Variants in NOMO1 observed in about 807,000 individuals in gnomAD.
NOMO1 encodes the protein NODAL modulator 1, also known as nodal modulator 3.
NOMO1 carries 40 observed loss-of-function variants against 133.8 expected under a neutral mutation model. The observed-to-expected ratio is 0.30, with a 90% confidence interval of 0.23 to 0.39. The LOEUF (loss-of-function observed/expected upper bound fraction) is 0.39. Among genes scored for constraint, NOMO1 ranks in the 10% least tolerant of loss-of-function variants. The probability of loss-of-function intolerance (pLI) is 1.00; values close to 1 mark genes in which losing one functional copy is unlikely to be tolerated. For synonymous variants in NOMO1, 236 were observed against 570.5 expected (o/e 0.41, Z 8.36); for missense variants, 462 against 1,419.9 (o/e 0.33, Z 10.84).
chr16:14,841,772 A>G (rs1166692437), intron 3 of NOMO1, among the ~76,000 whole-genome samples: 1 of 151,826 alleles, frequency 6.6e-6, no homozygotes, highest in Non-Finnish European at 1.5e-5. Context: ...TTAAGTTTTT[A>G]TGGAATTAAT....
Position 14,884,489 on chromosome 16 carries a change from C to G in NOMO1, c.3222+7C>G. On this transcript the variant is annotated splice_region_variant and intron_variant, in intron 27 of 30. Coordinates refer to ENST00000287667, the MANE Select transcript of NOMO1 (RefSeq NM_014287.4). The stretch of plus-strand genomic sequence containing the variant: ...ATACCTTCCTACATTATGGGTAAGT[C>G]CAGACTTTTAAGCTCCAAGTATTGT... 1 of 1,611,528 alleles carries G rather than the reference C, an allele frequency of 6.2e-7. No homozygotes were observed. The highest frequency in any genetic ancestry group is 1.1e-5 in the South Asian group (1 of 90,924).
intron 24 of NOMO1, among the ~76,000 whole-genome samples, chr16:14,881,004 C>G (rs1220130375): frequency 1.3e-5 from 2 of 151,044 alleles, no homozygotes; most frequent in Non-Finnish European, 2.9e-5. Context: ...GGCAACATAG[C>G]AAGACCCCGT....
chr16:14,859,595 G>A (rs989476108), intron 11 of NOMO1, among the ~76,000 whole-genome samples: 4 of 151,932 alleles, frequency 2.6e-5, no homozygotes, highest in African/African-American at 4.8e-5. Flanking sequence ...TGGGCGGATC[G>A]ATTGAGCCCA....
chr16:14,855,794 T>C (rs944268747), intron 9 of NOMO1, among the ~76,000 whole-genome samples: 2 of 152,140 alleles, frequency 1.3e-5, no homozygotes, highest in Middle Eastern at 3.4e-3. Flanking sequence ...CCGTGTCTTA[T>C]TCTTTACTGT....
At chr16:14,871,423 A>G (rs750688596) in intron 16 of NOMO1, among the ~76,000 whole-genome samples, 198 bp from the exon 17 acceptor site, 3 of 152,108 alleles carry the variant, frequency 2.0e-5, no homozygotes, top group African/African-American at 7.3e-5. Context: ...GCGCCATTGC[A>G]TGGATCGGGT....
intron 27 of NOMO1, among the ~76,000 whole-genome samples, chr16:14,885,031 CAT>C (rs1169375936): frequency 2.0e-5 from 3 of 151,958 alleles, no homozygotes; most frequent in Admixed American, 1.3e-4. Flanking sequence ...GCAGGCATGT[CAT>C]GTGGGAGAAG....
chr16:14,855,396 A>G (rs1963818962), intron 9 of NOMO1, among the ~76,000 whole-genome samples: 1 of 151,554 alleles, frequency 6.6e-6, no homozygotes, highest in South Asian at 2.1e-4. Context: ...ATCCCAAAAG[A>G]AAATAACAGC....
chr16:14,845,629 C>T (rs960124541), intron 4 of NOMO1, among the ~76,000 whole-genome samples: 2 of 151,860 alleles, frequency 1.3e-5, no homozygotes, highest in Non-Finnish European at 2.9e-5. Context: ...CTGCCCTGTG[C>T]CTGCGGTTGA....
intron 18 of NOMO1, 107 bp from the exon 19 acceptor site, chr16:14,874,929 G>A: frequency 5.7e-6 from 5 of 877,884 alleles, no homozygotes; most frequent in Non-Finnish European, 7.2e-6. Context: ...GTGGTGTCAT[G>A]ATAAGATGTC....
intron 14 of NOMO1, 25 bp from the exon 15 acceptor site, chr16:14,866,530 C>G: frequency 6.2e-7 from 1 of 1,610,058 alleles, no homozygotes; most frequent in Non-Finnish European, 8.5e-7. Flanking sequence ...GCCCATGTAT[C>G]CGTTTTTGGT....
intron 9 of NOMO1, among the ~76,000 whole-genome samples, chr16:14,855,986 TAA>T (rs1199051475): frequency 6.6e-6 from 1 of 151,508 alleles, no homozygotes; most frequent in Non-Finnish European, 1.5e-5. Context: ...GAAAAAAAAA[TAA>T]AAAAATAAAA....
At chr16:14,840,567 A>G (rs1431529820) in intron 2 of NOMO1, among the ~76,000 whole-genome samples, 1 of 147,148 alleles carries the variant, frequency 6.8e-6, no homozygotes, top group Admixed American at 6.8e-5. Context: ...AGCCTGGGCA[A>G]CAGAGCGAGG....
chr16:14,858,544 C>A (rs1171358460), intron 11 of NOMO1, among the ~76,000 whole-genome samples: 8 of 151,110 alleles, frequency 5.3e-5, no homozygotes, highest in Non-Finnish European at 1.0e-4. Flanking sequence ...GGGAGAAGCG[C>A]GGCATGAGCA....
intron 12 of NOMO1, 54 bp from the exon 13 acceptor site, chr16:14,864,531 A>G: frequency 6.2e-7 from 1 of 1,611,192 alleles, no homozygotes; most frequent in Non-Finnish European, 8.5e-7. Context: ...CCTGTAGGTC[A>G]GGGGGAAGAT....
Position 14,846,598 on chromosome 16 carries a change from C to G in NOMO1, c.424C>G (p.Leu142Val). The G allele has an allele frequency of 8.1e-7, 1 of 1,229,630 alleles. No individual in the cohort carries two copies. The highest frequency in any genetic ancestry group is 1.1e-6 in the Non-Finnish European group (1 of 872,594). 76.2% of individuals were successfully genotyped at this position (1,229,630 alleles called of 1,614,324 possible). A position where few individuals can be genotyped will look rare whatever the true frequency, so the allele number is the denominator to read the frequency against. Residue 142 changes from leucine to valine, a missense_variant, in exon 5 of 31, where the codon CTG becomes GTG. Coordinates refer to ENST00000287667, the MANE Select transcript of NOMO1 (RefSeq NM_014287.4). Reference sequence around the variant, plus strand: ...GCAGGTCCTCAGCAAAGGGCAGCCCCTGGGTCCTGCGGGAGTTCAGGTGTC... The same window carrying G: ...GCAGGTCCTCAGCAAAGGGCAGCCCGTGGGTCCTGCGGGAGTTCAGGTGTC... ...NGKVLSKGQP[L>V]GPAGVQVSLR... is the part of the protein sequence containing the mutation.
intron 4 of NOMO1, among the ~76,000 whole-genome samples, chr16:14,845,078 G>C (rs1204232947): frequency 1.3e-5 from 2 of 151,852 alleles, no homozygotes; most frequent in Non-Finnish European, 2.9e-5. Flanking sequence ...CTGGAGTGCA[G>C]TGGTGCAATC....
chr16:14,855,643 T>C (rs1438216976), intron 9 of NOMO1, among the ~76,000 whole-genome samples: 3 of 151,954 alleles, frequency 2.0e-5, no homozygotes, highest in Admixed American at 6.6e-5. Context: ...AAGCCTTTAC[T>C]TTGCTTCTCA....
At chr16:14,834,684 A>G (rs1176979863) in intron 1 of NOMO1, among the ~76,000 whole-genome samples, 14 of 125,350 alleles carry the variant, frequency 1.1e-4, no homozygotes, top group African/African-American at 4.3e-4. Flanking sequence ...ATTTGTGCTG[A>G]AGGTTTTTTT....
At chr16:14,867,988 A>G in intron 15 of NOMO1, among the ~76,000 whole-genome samples, 1 of 98,930 alleles carries the variant, frequency 1.0e-5, no homozygotes, top group East Asian at 2.5e-4. Flanking sequence ...GGTCCTCTGC[A>G]GTCCCACACC....
Sources: allele counts gnomAD v4.1 joint callset (sites outside exome capture counted in the v4.1 genomes callset), GRCh38; gene constraint gnomAD v4.1.1; transcripts MANE v1.5; gene names NCBI Gene and HGNC (gene_info 2026-07-23, HGNC 2026-07-21).